Variants in ZNF420 observed in about 807,000 individuals in gnomAD.
ZNF420 encodes the protein zinc finger protein 420.
Under a neutral mutation model 44.7 loss-of-function variants are expected in ZNF420, and 31 were observed. The ratio of observed to expected loss-of-function variants is 0.69; its 90% CI spans 0.52 to 0.94. The LOEUF is 0.94. Ranked by LOEUF, ZNF420 falls within the 40% of genes least tolerant of loss-of-function variation. The probability of loss-of-function intolerance (pLI) is 0.00; values close to 1 mark genes in which losing one functional copy is unlikely to be tolerated. For missense variants in ZNF420, 681 were observed against 827.9 expected, an observed-to-expected ratio of 0.82 and a Z score of 2.18; for synonymous variants, 245 against 267.4, an observed-to-expected ratio of 0.92 and a Z score of 0.82.
chr19:37,102,024 C>G (rs1012422114), intron 4 of ZNF420, among the ~76,000 whole-genome samples: 1 of 152,144 alleles, frequency 6.6e-6, no homozygotes, highest in Non-Finnish European at 1.5e-5. Flanking sequence ...TAGACTGGGC[C>G]CTCTCGGGAT....
intron 4 of ZNF420, among the ~76,000 whole-genome samples, chr19:37,116,368 CAAAAAAAAAA>C (rs57611154): frequency 9.2e-5 from 7 of 75,918 alleles, no homozygotes; most frequent in African/African-American, 1.3e-4. Flanking sequence ...GACTCCACCT[CAAAAAAAAAA>C]AAAAAAAAAA....
intron 4 of ZNF420, among the ~76,000 whole-genome samples, chr19:37,120,637 G>C (rs1970977398): frequency 1.3e-5 from 2 of 152,024 alleles, no homozygotes; most frequent in Non-Finnish European, 1.5e-5. Context: ...AATTAGGCAG[G>C]AGAAGGAAAT....
intron 1 of ZNF420, among the ~76,000 whole-genome samples, chr19:37,039,983 G>A (rs1967424257): frequency 6.6e-6 from 1 of 152,166 alleles, no homozygotes; most frequent in Admixed American, 6.6e-5. Flanking sequence ...TCCCACCTCA[G>A]CCTCCCAGAG....
chr19:37,056,420 C>A (rs1433275497), intron 1 of ZNF420, among the ~76,000 whole-genome samples: 1 of 152,170 alleles, frequency 6.6e-6, no homozygotes, highest in African/African-American at 2.4e-5. Context: ...CACACACTCA[C>A]CCCATCTTCT....
intron 4 of ZNF420, among the ~76,000 whole-genome samples, chr19:37,103,084 T>C (rs1416178095): frequency 3.1e-4 from 47 of 152,258 alleles, no homozygotes; most frequent in Non-Finnish European, 4.4e-5. Flanking sequence ...ACTATAGTAT[T>C]TCTTGTTTTT....
chr19:37,014,547 G>T (rs1055225818), intron 1 of ZNF420, among the ~76,000 whole-genome samples: 1 of 152,156 alleles, frequency 6.6e-6, no homozygotes, highest in South Asian at 2.1e-4. Flanking sequence ...GACTCTTAGG[G>T]TCCTGCGCTG....
At chr19:37,044,243 A>C (rs1370888226) in intron 1 of ZNF420, among the ~76,000 whole-genome samples, 1 of 152,242 alleles carries the variant, frequency 6.6e-6, no homozygotes, top group Non-Finnish European at 1.5e-5. Context: ...TGGGCTGAGC[A>C]CAGTGGCTTA....
At chr19:37,057,629 T>G (rs1967783971) in intron 1 of ZNF420, among the ~76,000 whole-genome samples, 2 of 151,974 alleles carry the variant, frequency 1.3e-5, no homozygotes, top group African/African-American at 2.4e-5. Flanking sequence ...TCTGCCTGGG[T>G]CATGTGGCCG....
At position 37,127,210 on chromosome 19, in the gene ZNF420, T is replaced by C. The variant is rs1420756636; in HGVS notation, c.219T>C (p.Ser73=). 2 of 1,604,714 alleles carry C rather than the reference T, an allele frequency of 1.2e-6. No individual in the cohort carries two copies. The highest frequency in any genetic ancestry group is 2.2e-5 in the East Asian group (1 of 44,764). The change falls in exon 5 of 5, where the codon AGT becomes AGC. Residue 73 remains serine, a synonymous_variant. Transcript: ENST00000337995. ...YETELSQWEM[S]DRLENCDLEE... is the part of the protein sequence containing the mutation. ...CAGAATTATCCCAATGGGAAATGAG[T>C]GACAGACTTGAAAACTGTGATCTTG... is the stretch of plus-strand genomic sequence containing the variant.
At chr19:37,119,530 A>G (rs962834823) in intron 4 of ZNF420, among the ~76,000 whole-genome samples, 12 of 152,242 alleles carry the variant, frequency 7.9e-5, no homozygotes, top group Non-Finnish European at 1.6e-4. Flanking sequence ...GAAAGATTCA[A>G]AATGGACACC....
chr19:37,085,881 TC>T (rs1406200495), intron 2 of ZNF420, among the ~76,000 whole-genome samples: 3 of 151,510 alleles, frequency 2.0e-5, no homozygotes, highest in African/African-American at 4.8e-5. Context: ...TCCTCCTGCC[TC>T]AGCCTCCCAA....
At chr19:37,064,663 G>A (rs978667081) in intron 1 of ZNF420, among the ~76,000 whole-genome samples, 52 of 152,168 alleles carry the variant, frequency 3.4e-4, no homozygotes, top group African/African-American at 1.0e-3. Flanking sequence ...CATTACTGCC[G>A]CCATACTCTC....
At chr19:37,015,349 T>C (rs1599593684) in intron 1 of ZNF420, among the ~76,000 whole-genome samples, 1 of 151,734 alleles carries the variant, frequency 6.6e-6, no homozygotes, top group Admixed American at 6.6e-5. Context: ...CCAAATCATC[T>C]CCCCACCCCG....
chr19:37,011,092 T>C (rs954019044), intron 1 of ZNF420, among the ~76,000 whole-genome samples: 2 of 152,182 alleles, frequency 1.3e-5, no homozygotes, highest in Non-Finnish European at 2.9e-5. Context: ...TCGCCTCTGC[T>C]CTATCCTCCC....
chr19:37,031,424 A>G (rs1249717891), intron 1 of ZNF420, among the ~76,000 whole-genome samples: 1 of 152,114 alleles, frequency 6.6e-6, no homozygotes, highest in Non-Finnish European at 1.5e-5. Flanking sequence ...CCTTATTAGT[A>G]ACAGATATAC....
At position 37,116,814 on chromosome 19, in the gene ZNF420, C is replaced by G. The variant is rs139533289; in HGVS notation, c.137-10314C>G. ...GCACACCAGGAGATTATATCCCACA[C>G]CTAGCTCAGAGGGTCCTATGCCCAT... On this transcript the variant is annotated intron_variant, in intron 4 of 4. Transcript: ENST00000337995. Among the ~76,000 whole-genome samples the G allele has an allele frequency of 6.2e-3, 938 of 152,324 alleles. 27 individuals are homozygous for G. Among genetic ancestry groups the G allele is most frequent in the East Asian group, 0.05 (256 of 5,170 alleles).
chr19:37,041,829 A>G (rs186493468), intron 1 of ZNF420, among the ~76,000 whole-genome samples: 1 of 152,280 alleles, frequency 6.6e-6, no homozygotes, highest in Non-Finnish European at 1.5e-5. Flanking sequence ...GTAGACACAT[A>G]CACTTTTTAC....
chr19:37,122,349 A>G (rs576726784), intron 4 of ZNF420, among the ~76,000 whole-genome samples: 48 of 152,220 alleles, frequency 3.2e-4, no homozygotes, highest in African/African-American at 1.1e-3. Context: ...CATTCTCAGC[A>G]AACTATCTCA....
rs991264310 is a variant in ZNF420 at position 37,112,209 on chromosome 19, G to T, written c.137-14919G>T. Among the ~76,000 whole-genome samples the T allele has an allele frequency of 2.6e-5, 4 of 151,760 alleles. No individual in the cohort carries two copies. The East Asian group carries it at 7.7e-4, about 29-fold the overall frequency. ...TCTTGATTTCCCTCAATCTCAATTG[G>T]GACTTTAATGCCATTTTCATTTTTT... On this transcript the variant is annotated intron_variant, in intron 4 of 4. Transcript: ENST00000337995.
Sources: allele counts gnomAD v4.1 joint callset (sites outside exome capture counted in the v4.1 genomes callset), GRCh38; gene constraint gnomAD v4.1.1; transcripts MANE v1.5; gene names NCBI Gene and HGNC (gene_info 2026-07-23, HGNC 2026-07-21).